Variants in FKBP5 observed in about 807,000 individuals in gnomAD.
The protein encoded by FKBP5 is FKBP prolyl isomerase 5.
Under a neutral mutation model 50.5 loss-of-function variants are expected in FKBP5, and 23 were observed. The ratio of observed to expected loss-of-function variants is 0.46; its 90% CI spans 0.33 to 0.65. The LOEUF (loss-of-function observed/expected upper bound fraction) is 0.65, where lower values mean the gene tolerates loss of function less well. FKBP5 is among the 30% of genes least tolerant of loss of function. The pLI is 0.02. For missense variants in FKBP5, 411 were observed against 553.1 expected (o/e 0.74, Z 2.58); for synonymous variants, 176 against 190.6 (o/e 0.92, Z 0.63).
chr6:35,680,305 C>T (rs776041863), intron 1 of FKBP5, among the ~76,000 whole-genome samples: 7 of 152,064 alleles, frequency 4.6e-5, no homozygotes, highest in Non-Finnish European at 8.8e-5. Flanking sequence ...TGGTGCACGC[C>T]TATAGTCCCA....
intron 2 of FKBP5, among the ~76,000 whole-genome samples, chr6:35,707,093 A>C (rs1766329833): frequency 1.3e-5 from 2 of 152,190 alleles, no homozygotes; most frequent in Admixed American, 6.6e-5. Flanking sequence ...AGGGGATGGG[A>C]CTGGGAATCT....
intron 2 of FKBP5, among the ~76,000 whole-genome samples, chr6:35,711,157 A>T (rs939350979): frequency 6.6e-6 from 1 of 151,918 alleles, no homozygotes; most frequent in Non-Finnish European, 1.5e-5. Flanking sequence ...CTGTTTCTAC[A>T]AAAAGAAAAA....
At chr6:35,655,068 T>C (rs1175049680) in intron 1 of FKBP5, among the ~76,000 whole-genome samples, 1 of 151,974 alleles carries the variant, frequency 6.6e-6, no homozygotes, top group Non-Finnish European at 1.5e-5. Flanking sequence ...ACAACTGTAA[T>C]CCCAGCACTT....
chr6:35,644,669 C>T (rs1375899438), intron 1 of FKBP5, among the ~76,000 whole-genome samples: 6 of 152,166 alleles, frequency 3.9e-5, no homozygotes, highest in African/African-American at 1.4e-4. Context: ...AATTATGTAC[C>T]TAGCTCTACA....
At chr6:35,609,341 G>A (rs561813846) in intron 5 of FKBP5, among the ~76,000 whole-genome samples, 20 of 152,154 alleles carry the variant, frequency 1.3e-4, no homozygotes, top group Admixed American at 7.2e-4. Context: ...GGCTGAGTAC[G>A]GAATTCTAGG....
At chr6:35,590,363 C>A (rs1156376663) in intron 7 of FKBP5, among the ~76,000 whole-genome samples, 1 of 151,896 alleles carries the variant, frequency 6.6e-6, no homozygotes, top group African/African-American at 2.4e-5. Flanking sequence ...AAAAAAGGAA[C>A]ACAAATGCAG....
intron 3 of FKBP5, among the ~76,000 whole-genome samples, chr6:35,621,455 T>C (rs980154358): frequency 2.0e-5 from 3 of 150,828 alleles, no homozygotes; most frequent in Admixed American, 2.0e-4. Context: ...CCGTCTCTAC[T>C]AAAAATACAA....
chr6:35,608,130 C>G (rs1261685501), intron 5 of FKBP5, among the ~76,000 whole-genome samples: 1 of 152,030 alleles, frequency 6.6e-6, no homozygotes, highest in Non-Finnish European at 1.5e-5. Flanking sequence ...AAACAGAAAA[C>G]CAAATACTGC....
At chr6:35,677,030 A>G (rs1302665594) in intron 1 of FKBP5, among the ~76,000 whole-genome samples, 1 of 152,204 alleles carries the variant, frequency 6.6e-6, no homozygotes, top group East Asian at 1.9e-4. Flanking sequence ...AATGAAATAG[A>G]GTGTCACGTC....
At chr6:35,648,726 A>G (rs1418792676) in intron 1 of FKBP5, among the ~76,000 whole-genome samples, 3 of 152,180 alleles carry the variant, frequency 2.0e-5, no homozygotes, top group Admixed American at 2.0e-4. Context: ...GAGCAGCCAG[A>G]TGACTTGAGG....
intron 3 of FKBP5, among the ~76,000 whole-genome samples, chr6:35,621,022 C>T (rs924562285): frequency 2.6e-5 from 4 of 152,042 alleles, no homozygotes; most frequent in Non-Finnish European, 4.4e-5. Flanking sequence ...GTAACCAGAA[C>T]AGGATAAATT....
intron 8 of FKBP5, chr6:35,581,710 A>C (rs544311021): frequency 1.6e-5 from 16 of 985,502 alleles, no homozygotes; most frequent in Middle Eastern, 1.0e-3. Flanking sequence ...AAATAGAAAC[A>C]GGAGTACAAG....
intron 8 of FKBP5, chr6:35,583,210 C>G (rs1017548998): frequency 1.0e-6 from 1 of 985,246 alleles, no homozygotes; most frequent in African/African-American, 1.7e-5. Context: ...CCCTGTCATG[C>G]CTCATTTCTT....
rs1258619127 is a variant in FKBP5 at position 35,666,082 on chromosome 6, C to T, written c.-20+22722G>A. Among the ~76,000 whole-genome samples the T allele has an allele frequency of 4.6e-5, 7 of 151,932 alleles. No individual in the cohort carries two copies. In the East Asian group the frequency reaches 1.4e-3, roughly 29 times the overall value. ...ATCAGGAGGTAAAACCACCATAAGCCAAGGAACATATATATTACCTAATGT... is the reference window on the plus strand; with the variant it reads ...ATCAGGAGGTAAAACCACCATAAGCTAAGGAACATATATATTACCTAATGT... On this transcript the variant is annotated intron_variant, in intron 1 of 10. Coordinates refer to ENST00000357266, the MANE Select transcript of FKBP5 (RefSeq NM_004117.4).
At chr6:35,599,933 G>A (rs1763091599) in intron 5 of FKBP5, among the ~76,000 whole-genome samples, 1 of 152,144 alleles carries the variant, frequency 6.6e-6, no homozygotes, top group Non-Finnish European at 1.5e-5. Context: ...GTGTCATCAG[G>A]TATTCTCATC....
Position 35,573,818 on chromosome 6 carries a change from T to C in FKBP5, c.*2017A>G, listed in dbSNP as rs1762131402. 6.6e-6 allele frequency: 1 copy of C among 152,166 alleles called. No homozygotes were observed. Among genetic ancestry groups the C allele is most frequent in the Non-Finnish European group, 1.5e-5 (1 of 68,038 alleles). 9.4% of individuals were successfully genotyped at this position (152,166 alleles called of 1,614,324 possible). A position where few individuals can be genotyped will look rare whatever the true frequency, so the allele number is the denominator to read the frequency against. On this transcript the variant is annotated 3_prime_UTR_variant, in exon 11 of 11. Coordinates refer to ENST00000357266, the MANE Select transcript of FKBP5 (RefSeq NM_004117.4). ...TTCTTGAGTGGTAATGGGCACCCTG[T>C]AGTTATTTGCTCAGAACCACTCACA...
intron 8 of FKBP5, 50 bp downstream of exon 8, chr6:35,586,984 A>C: frequency 6.2e-7 from 1 of 1,613,318 alleles, no homozygotes; most frequent in Non-Finnish European, 8.5e-7. Context: ...ATTCACCAAC[A>C]CTTGAATAAA....
At chr6:35,648,014 T>A (rs1222677024) in intron 1 of FKBP5, among the ~76,000 whole-genome samples, 1 of 152,180 alleles carries the variant, frequency 6.6e-6, no homozygotes, top group Non-Finnish European at 1.5e-5. Flanking sequence ...TTCTTAAGTA[T>A]TTTTCTAAAC....
chr6:35,612,764 C>G (rs2150973176), intron 5 of FKBP5, among the ~76,000 whole-genome samples: 1 of 152,336 alleles, frequency 6.6e-6, no homozygotes, highest in South Asian at 2.1e-4. Context: ...CGTGACAACT[C>G]ACTCTATCAT....
Sources: gnomAD v4.1 joint callset for allele counts (sites outside exome capture counted in the v4.1 genomes callset) on GRCh38, gnomAD v4.1.1 for gene constraint, MANE v1.5 for transcripts, NCBI Gene and HGNC (gene_info 2026-07-23, HGNC 2026-07-21) for gene names.